Variants in MYO1E observed in about 807,000 individuals in gnomAD.
The protein encoded by MYO1E is myosin IE.
In MYO1E, 68 loss-of-function variants were observed where a neutral mutation model predicts 151.1. That is an observed-to-expected ratio of 0.45 (90% CI 0.37 to 0.55). The LOEUF (loss-of-function observed/expected upper bound fraction) is 0.55, where lower values mean the gene tolerates loss of function less well. MYO1E is among the 20% of genes least tolerant of loss of function. The probability of loss-of-function intolerance (pLI) is 0.00; values close to 1 mark genes in which losing one functional copy is unlikely to be tolerated. For synonymous variants in MYO1E, 601 were observed against 501.7 expected, an observed-to-expected ratio of 1.20 and a Z score of -2.64; for missense variants, 1,363 against 1,389.3, an observed-to-expected ratio of 0.98 and a Z score of 0.30.
intron 1 of MYO1E, among the ~76,000 whole-genome samples, chr15:59,310,473 A>C (rs1252767162): frequency 6.6e-6 from 1 of 152,170 alleles, no homozygotes; most frequent in African/African-American, 2.4e-5. Context: ...ACACAGGGAG[A>C]AGGTCATGTG....
intron 1 of MYO1E, among the ~76,000 whole-genome samples, chr15:59,315,611 A>C (rs1252456323): frequency 1.3e-5 from 2 of 152,102 alleles, no homozygotes; most frequent in African/African-American, 2.4e-5. Flanking sequence ...TAAGTTACTT[A>C]ACCTCTCTGT....
intron 4 of MYO1E, among the ~76,000 whole-genome samples, chr15:59,246,003 G>T (rs1452094246): frequency 6.6e-6 from 1 of 152,206 alleles, no homozygotes; most frequent in African/African-American, 2.4e-5. Context: ...TCTGGATTTT[G>T]GAGAACAGAT....
intron 22 of MYO1E, among the ~76,000 whole-genome samples, chr15:59,169,156 C>A (rs1596349570): frequency 6.6e-6 from 1 of 152,310 alleles, no homozygotes; most frequent in Middle Eastern, 3.4e-3. Context: ...TAGAGATGGG[C>A]TAAGATCAAG....
chr15:59,271,849 G>A (rs2140381926), intron 2 of MYO1E, among the ~76,000 whole-genome samples: 1 of 152,388 alleles, frequency 6.6e-6, no homozygotes, highest in South Asian at 2.1e-4. Context: ...TCTAGGAAGA[G>A]CAGAGGTTTC....
intron 1 of MYO1E, among the ~76,000 whole-genome samples, chr15:59,331,586 T>C (rs2080698482): frequency 6.6e-6 from 1 of 152,192 alleles, no homozygotes; most frequent in South Asian, 2.1e-4. Flanking sequence ...CCAAATTGTT[T>C]TTTATTACAA....
chr15:59,276,259 T>C (rs1463781396), intron 1 of MYO1E, among the ~76,000 whole-genome samples: 1 of 152,176 alleles, frequency 6.6e-6, no homozygotes, highest in African/African-American at 2.4e-5. Context: ...GCATTGTTTA[T>C]TGGGCTACTA....
At chr15:59,293,041 T>A (rs2080429065) in intron 1 of MYO1E, among the ~76,000 whole-genome samples, 1 of 152,096 alleles carries the variant, frequency 6.6e-6, no homozygotes. Flanking sequence ...CAGGGAGGCA[T>A]GGGGGTACCA....
Position 59,133,885 on chromosome 15 carries a change from C to T in MYO1E, c.*3495G>A, listed in dbSNP as rs1462242750. 1 of 152,222 alleles carries T rather than the reference C, an allele frequency of 6.6e-6. No homozygotes were observed. Among genetic ancestry groups the T allele is most frequent in the Admixed American group, 6.5e-5 (1 of 15,270 alleles). 9.4% of individuals were successfully genotyped at this position (152,222 alleles called of 1,614,324 possible). A position where few individuals can be genotyped will look rare whatever the true frequency, so the allele number is the denominator to read the frequency against. ...CTCAGGGAGGGTCTGGGGATGAGTT[C>T]AGGAGGGAGTCGCAAAGAGAAGGAA... is the stretch of plus-strand genomic sequence containing the variant. On this transcript the variant is annotated 3_prime_UTR_variant, in exon 28 of 28. Coordinates refer to ENST00000288235, the MANE Select transcript of MYO1E (RefSeq NM_004998.4).
Position 59,171,894 on chromosome 15 carries a change from C to G in MYO1E, c.2480+3G>C, listed in dbSNP as rs1444816353. 1 of 1,614,070 alleles carries G rather than the reference C, an allele frequency of 6.2e-7. No homozygotes were observed. The highest frequency in any genetic ancestry group is 1.3e-5 in the African/African-American group (1 of 74,930). ...GTCCTGCCTCTGCACCTCCACTACT[C>G]ACCTGAGGGACACAGACAAGATCCG... On this transcript the variant is annotated splice_donor_region_variant and intron_variant, in intron 22 of 27. Coordinates refer to ENST00000288235, the MANE Select transcript of MYO1E (RefSeq NM_004998.4).
Position 59,236,687 on chromosome 15 carries a change from A to T in MYO1E, c.333-15T>A. ...CACTTTCACCACTAAAGAAAGACAGACAAAGAATCCACCTGAGAAGTGGAT... is the reference window on the plus strand; with the variant it reads ...CACTTTCACCACTAAAGAAAGACAGTCAAAGAATCCACCTGAGAAGTGGAT... On this transcript the variant is annotated splice_polypyrimidine_tract_variant and intron_variant, in intron 4 of 27. Transcript: ENST00000288235. 6.3e-7 allele frequency: 1 copy of T among 1,599,986 alleles called. No individual in the cohort carries two copies. The highest frequency in any genetic ancestry group is 8.6e-7 in the Non-Finnish European group (1 of 1,167,216).
At chr15:59,372,347 G>C (rs1232188090) in intron 1 of MYO1E, 151 bp downstream of exon 1, 16 of 953,470 alleles carry the variant, frequency 1.7e-5, no homozygotes, top group Non-Finnish European at 2.4e-5. Flanking sequence ...TACGGAAAGC[G>C]GCAGGAAATC....
chr15:59,226,168 T>C (rs1243588811), intron 7 of MYO1E, among the ~76,000 whole-genome samples: 2 of 152,364 alleles, frequency 1.3e-5, no homozygotes. Flanking sequence ...GTTGCTTTAA[T>C]ACAATTTTAA....
chr15:59,187,447 A>C (rs1322761536), intron 18 of MYO1E, among the ~76,000 whole-genome samples: 2 of 152,238 alleles, frequency 1.3e-5, no homozygotes. Context: ...GCAAGGATTT[A>C]GATAAATTGG....
chr15:59,300,069 A>G (rs1458271105), intron 1 of MYO1E, among the ~76,000 whole-genome samples: 1 of 152,130 alleles, frequency 6.6e-6, no homozygotes, highest in Non-Finnish European at 1.5e-5. Flanking sequence ...AGAAGCTAAA[A>G]GGGCATTTGA....
chr15:59,357,250 A>C (rs373464325), intron 1 of MYO1E, among the ~76,000 whole-genome samples: 2 of 151,964 alleles, frequency 1.3e-5, no homozygotes, highest in Non-Finnish European at 1.5e-5. Flanking sequence ...AAGTATTGGA[A>C]GTCAAGAAAC....
At chr15:59,327,138 C>T (rs1032192820) in intron 1 of MYO1E, among the ~76,000 whole-genome samples, 2 of 152,100 alleles carry the variant, frequency 1.3e-5, no homozygotes, top group African/African-American at 4.8e-5. Context: ...CTTGACTCTT[C>T]CACAGAGTGC....
intron 1 of MYO1E, among the ~76,000 whole-genome samples, chr15:59,310,101 C>T (rs1465690240): frequency 2.6e-5 from 4 of 152,198 alleles, no homozygotes; most frequent in African/African-American, 9.6e-5. Context: ...AGGTCCTGTG[C>T]ACCTTCCCTT....
At chr15:59,345,080 C>T (rs2080786446) in intron 1 of MYO1E, among the ~76,000 whole-genome samples, 1 of 151,994 alleles carries the variant, frequency 6.6e-6, no homozygotes, top group African/African-American at 2.4e-5. Context: ...GAGGCTTGAC[C>T]AATCGGGTAG....
At chr15:59,314,672 G>C (rs769170389) in intron 1 of MYO1E, among the ~76,000 whole-genome samples, 5 of 152,122 alleles carry the variant, frequency 3.3e-5, no homozygotes, top group Non-Finnish European at 7.4e-5. Context: ...GCAGAATATG[G>C]ATTCATTCTT....
Sources: gnomAD v4.1 joint callset for allele counts (sites outside exome capture counted in the v4.1 genomes callset) on GRCh38, gnomAD v4.1.1 for gene constraint, MANE v1.5 for transcripts, NCBI Gene and HGNC (gene_info 2026-07-23, HGNC 2026-07-21) for gene names.